Variants in BTNL9 observed in about 807,000 individuals in gnomAD.
BTNL9 encodes butyrophilin-like protein 9.
BTNL9 carries 45 observed loss-of-function variants against 45.8 expected under a neutral mutation model. The ratio of observed to expected loss-of-function variants is 0.98; its 90% CI spans 0.77 to 1.26. The LOEUF is 1.26. Ranked by LOEUF, BTNL9 falls within the 50% of genes most tolerant of loss-of-function variation. The pLI is 0.00. For synonymous variants in BTNL9, 346 were observed against 330.8 expected (o/e 1.05, Z -0.50); for missense variants, 784 against 729.7 (o/e 1.07, Z -0.86).
rs528417989 is a variant in BTNL9 at position 181,048,723 on chromosome 5, A to AG, written c.454+452_454+453insG. Among the ~76,000 whole-genome samples, 36 of 124,602 alleles carry AG rather than the reference A, an allele frequency of 2.9e-4. 1 individual carries two copies. Among genetic ancestry groups the AG allele is most frequent in the African/African-American group, 1.1e-3 (34 of 31,236 alleles). 81.7% of individuals were successfully genotyped at this position (124,602 alleles called of 152,430 possible). ...CAACTCTGTCTTGAAATATATATAT[A>AG]TATCTATATATATATCTATCTATAT... On this transcript the variant is annotated intron_variant, in intron 3 of 10. Transcript: ENST00000327705.
rs1455562533 is a variant in BTNL9, at chr5:181,042,582, A to G, written c.-24+2150A>G. ...GGAGCCGCTGACTTTTCCCTTCAGGAAGCTGCCAGACCATCTCTCTCTGCT... is the reference window on the plus strand; with the variant it reads ...GGAGCCGCTGACTTTTCCCTTCAGGGAGCTGCCAGACCATCTCTCTCTGCT... On this transcript the variant is annotated intron_variant, in intron 1 of 10. Coordinates refer to ENST00000327705, the MANE Select transcript of BTNL9 (RefSeq NM_152547.5). The surrounding 1 kb of genome is among the most constrained non-coding windows in gnomAD (Gnocchi z 4.5). Among the ~76,000 whole-genome samples, 1 of 152,124 alleles carries G rather than the reference A, an allele frequency of 6.6e-6. No homozygotes were observed.
rs1414145474 is a variant in BTNL9, at chr5:181,045,455, G to A, written c.-23-12G>A. 4 of 1,429,408 alleles carry A rather than the reference G, an allele frequency of 2.8e-6. No homozygotes were observed. Among genetic ancestry groups the A allele is most frequent in the Non-Finnish European group, 4.0e-6 (4 of 1,012,220 alleles). The allele number at this position is 1,429,408 out of a possible 1,614,324, so 88.5% of individuals were successfully genotyped here. On this transcript the variant is annotated splice_polypyrimidine_tract_variant and intron_variant, in intron 1 of 10. Coordinates refer to ENST00000327705, the MANE Select transcript of BTNL9 (RefSeq NM_152547.5). ...TTGCACGTCGCTCCAGCACCCCTTT[G>A]TCCCTCTCCAGGTGGCCCCCACTGC...
In BTNL9 at chr5:181,045,520, T is replaced by C. The variant is rs747234210; in HGVS notation, c.31T>C (p.Leu11=). 1.2e-6 allele frequency: 2 copies of C among 1,612,258 alleles called. No individual in the cohort carries two copies. Among genetic ancestry groups the C allele is most frequent in the East Asian group, 4.5e-5 (2 of 44,856 alleles). Residue 11 remains leucine, a synonymous_variant, in exon 2 of 11, where the codon TTG becomes CTG. Coordinates refer to ENST00000327705, the MANE Select transcript of BTNL9 (RefSeq NM_152547.5). ...GGACCTCTCAGTCTCCCCAGACTCCTTGAAGCCAGTATCGCTGACCAGCAG... is the reference window on the plus strand; with the variant it reads ...GGACCTCTCAGTCTCCCCAGACTCCCTGAAGCCAGTATCGCTGACCAGCAG... MVDLSVSPDS[L]KPVSLTSSLV... is the part of the protein sequence containing the mutation.
Position 181,060,051 on chromosome 5 carries a change from G to T in BTNL9, c.*189G>T, listed in dbSNP as rs183884784. 14 of 611,162 alleles carry T rather than the reference G, an allele frequency of 2.3e-5. No homozygotes were observed. The African/African-American group carries it at 2.6e-4, about 11-fold the overall frequency. The allele number at this position is 611,162 out of a possible 1,614,324, so 37.9% of individuals were successfully genotyped here. A position where few individuals can be genotyped will look rare whatever the true frequency, so the allele number is the denominator to read the frequency against. Reference sequence around the variant, plus strand: ...GATTTTCTTCAAGGAAAGGAGACAAGTCCAAAGCTCGTTTGTGGATTGTGG... The same window carrying T: ...GATTTTCTTCAAGGAAAGGAGACAATTCCAAAGCTCGTTTGTGGATTGTGG... On this transcript the variant is annotated 3_prime_UTR_variant, in exon 11 of 11. Transcript: ENST00000327705.
At chr5:181,056,861 A>G in intron 9 of BTNL9, 1 of 478,144 alleles carries the variant, frequency 2.1e-6, no homozygotes. Flanking sequence ...TTAGGTTTGC[A>G]ACCTCTGAAT....
In BTNL9 at chr5:181,048,250, C is replaced by A; in HGVS notation, c.433C>A (p.Leu145Ile). 6.2e-7 allele frequency: 1 copy of A among 1,611,034 alleles called. No homozygotes were observed. The highest frequency in any genetic ancestry group is 1.1e-5 in the South Asian group (1 of 90,998). ...CTCCGACAACTTCTCTGGCGAAGCT[C>A]TCTGGGAACTGGAGGTAGCAGGTGC... Reference protein sequence around the residue: ...FHSDNFSGEALWELEVAGLGS... With the variant: ...FHSDNFSGEAIWELEVAGLGS... The change falls in exon 3 of 11, where the codon CTC becomes ATC. Residue 145 changes from leucine to isoleucine, a missense_variant. Transcript: ENST00000327705.
In BTNL9 at chr5:181,040,936, C is replaced by G. The variant is rs766841335; in HGVS notation, c.-24+504C>G. Reference sequence around the variant, plus strand: ...CAAAATTCACCAGTTACACAGCTTACAGAAGTAGCAAAGCAAAGACTATAC... The same window carrying G: ...CAAAATTCACCAGTTACACAGCTTAGAGAAGTAGCAAAGCAAAGACTATAC... On this transcript the variant is annotated intron_variant, in intron 1 of 10. Coordinates refer to ENST00000327705, the MANE Select transcript of BTNL9 (RefSeq NM_152547.5). Among the ~76,000 whole-genome samples the G allele has an allele frequency of 6.5e-4, 99 of 152,226 alleles. 1 individual carries two copies. The highest frequency in any genetic ancestry group is 1.3e-3 in the Non-Finnish European group (88 of 68,034).
rs1324997941 is a variant in BTNL9 at position 181,044,659 on chromosome 5, CAG to C, written c.-23-804_-23-803del. On this transcript the variant is annotated intron_variant, in intron 1 of 10. Transcript: ENST00000327705. Reference sequence around the variant, plus strand: ...AAATATGGAGAGTTTTGTGTATCTCCAGAGACTCATTGGCAGCAGCACACTCT... The same window carrying C: ...AAATATGGAGAGTTTTGTGTATCTCCAGACTCATTGGCAGCAGCACACTCT... 7.2e-5 allele frequency among the ~76,000 whole-genome samples: 11 copies of C among 151,938 alleles called. 1 individual carries two copies. The highest frequency in any genetic ancestry group is 2.1e-4 in the South Asian group (1 of 4,832).
At chr5:181,058,442 G>A (rs375542771) in intron 10 of BTNL9, 64 bp downstream of exon 10, 670 of 1,609,416 alleles carry the variant, frequency 4.2e-4, no homozygotes, top group Non-Finnish European at 5.3e-4. Context: ...GAAGGGAGGT[G>A]GAGAGATCTG....
In BTNL9 at chr5:181,060,016, T is replaced by C; in HGVS notation, c.*154T>C. 1.5e-6 allele frequency: 1 copy of C among 681,072 alleles called. No homozygotes were observed. The highest frequency in any genetic ancestry group is 2.1e-5 in the South Asian group (1 of 48,222). 42.2% of individuals were successfully genotyped at this position (681,072 alleles called of 1,614,324 possible). A position where few individuals can be genotyped will look rare whatever the true frequency, so the allele number is the denominator to read the frequency against. On this transcript the variant is annotated 3_prime_UTR_variant, in exon 11 of 11. Coordinates refer to ENST00000327705, the MANE Select transcript of BTNL9 (RefSeq NM_152547.5). ...GGACCTTTGCCTACGTAGATGTGTA[T>C]GTGTAGTGCGATTTTCTTCAAGGAA...
chr5:181,057,838 CT>C (rs1433747573), intron 9 of BTNL9, among the ~76,000 whole-genome samples: 4 of 152,212 alleles, frequency 2.6e-5, no homozygotes, highest in Non-Finnish European at 5.9e-5. Flanking sequence ...TCTTGTGTTG[CT>C]TTTGCTTTTG....
At position 181,045,591 on chromosome 5, in the gene BTNL9, GA is replaced by G. The variant is rs1761062428; in HGVS notation, c.103del (p.Ser35AlafsTer7). 2 of 1,610,506 alleles carry G rather than the reference GA, an allele frequency of 1.2e-6. No homozygotes were observed. Among genetic ancestry groups the G allele is most frequent in the African/African-American group, 2.7e-5 (2 of 74,704 alleles). On this transcript the variant is annotated frameshift_variant, in exon 2 of 11. Coordinates refer to ENST00000327705, the MANE Select transcript of BTNL9 (RefSeq NM_152547.5). LOFTEE classifies it high-confidence loss of function. ...HLLLLQPGEPSSEVKVLGPEY... is the reference protein window; with the variant it reads ...HLLLLQPGEPXSEVKVLGPEY... ...TCCTCCTCCTTCAGCCTGGGGAGCC[GA>G]GCTCAGGTATTGTGTCTGCAGCCTA... is the stretch of plus-strand genomic sequence containing the variant.
In BTNL9 at chr5:181,050,520, A is replaced by G; in HGVS notation, c.736+151A>G. On this transcript the variant is annotated intron_variant, in intron 4 of 10. Coordinates refer to ENST00000327705, the MANE Select transcript of BTNL9 (RefSeq NM_152547.5). The surrounding 1 kb of genome is among the most constrained non-coding windows in gnomAD (Gnocchi z 4.9). ...CACCTGAAAAGTCAGCACCTTGGAT[A>G]TTAGGAACACACTAAGAACGCTACT... 1 of 951,276 alleles carries G rather than the reference A, an allele frequency of 1.1e-6. No homozygotes were observed. The highest frequency in any genetic ancestry group is 1.6e-6 in the Non-Finnish European group (1 of 639,988). The allele number at this position is 951,276 out of a possible 1,614,324, so 58.9% of individuals were successfully genotyped here.
chr5:181,050,306 G>A lies in BTNL9; in HGVS notation c.673G>A (p.Val225Met). The A allele has an allele frequency of 6.2e-7, 1 of 1,614,118 alleles. No homozygotes were observed. The highest frequency in any genetic ancestry group is 1.1e-5 in the South Asian group (1 of 91,082). The change falls in exon 4 of 11, where the codon GTG becomes ATG. Residue 225 changes from valine to methionine, a missense_variant. By Grantham distance (21) the Val-to-Met change is conservative. Coordinates refer to ENST00000327705, the MANE Select transcript of BTNL9 (RefSeq NM_152547.5). This position sits in a 1 kb window ranked among gnomAD's most constrained non-coding sequence, Gnocchi z 4.9. ...TGTCCGAGCGGGAGCCCTCAGCAAT[G>A]TGTCCGTCTCCATCCAGAATCTCCT... ...VVVRAGALSN[V>M]SVSIQNLLLS...
In BTNL9 at chr5:181,055,498, A is replaced by G; in HGVS notation, c.928+45A>G. On this transcript the variant is annotated intron_variant, in intron 8 of 10. Transcript: ENST00000327705. The surrounding 1 kb of genome is among the most constrained non-coding windows in gnomAD (Gnocchi z 4.4). Reference sequence around the variant, plus strand: ...ACTATTTCTCCTCAGGGCCGGGTCCAGTGGCTCACACCTGTAATCCCAGTA... The same window carrying G: ...ACTATTTCTCCTCAGGGCCGGGTCCGGTGGCTCACACCTGTAATCCCAGTA... The G allele has an allele frequency of 6.2e-7, 1 of 1,608,450 alleles. No homozygotes were observed. The highest frequency in any genetic ancestry group is 8.5e-7 in the Non-Finnish European group (1 of 1,175,154).
At chr5:181,058,247 C>T in intron 9 of BTNL9, 105 bp from the exon 10 acceptor site, 2 of 1,294,386 alleles carry the variant, frequency 1.5e-6, no homozygotes, top group Non-Finnish European at 2.2e-6. Context: ...GGAATGGGGT[C>T]ATTCGATCTG....
Position 181,050,190 on chromosome 5 carries a change from G to A in BTNL9, c.557G>A (p.Trp186Ter). 1.9e-6 allele frequency: 3 copies of A among 1,614,084 alleles called. No individual in the cohort carries two copies. Among genetic ancestry groups the A allele is most frequent in the Non-Finnish European group, 2.5e-6 (3 of 1,180,020 alleles). The change falls in exon 4 of 11, where the codon TGG (tryptophan) becomes TAG (stop). Residue 186 changes from tryptophan to a stop codon, truncating the protein, a stop_gained. Coordinates refer to ENST00000327705, the MANE Select transcript of BTNL9 (RefSeq NM_152547.5). LOFTEE classifies it high-confidence loss of function. This position sits in a 1 kb window ranked among gnomAD's most constrained non-coding sequence, Gnocchi z 4.9. The part of the protein sequence containing the change: ...SGWYPKPKVQ[W>*]RDHQGQCLPP... ...TGGTACCCCAAGCCTAAGGTTCAGT[G>A]GAGAGACCACCAGGGACAGTGCCTG...
intron 7 of BTNL9, chr5:181,054,632 C>T (rs2113236080): frequency 1.0e-6 from 1 of 985,444 alleles, no homozygotes; most frequent in Non-Finnish European, 1.2e-6. Flanking sequence ...CTCAGATCCA[C>T]TTTTCTCCCC....
rs1486072196 is a variant in BTNL9, at chr5:181,048,175, C to T, written c.358C>T (p.Leu120Phe). ...DIAYGSVVLQ[L>F]HSIIPSDKGT... ...CGCCTATGGCAGCGTGGTCCTGCAG[C>T]TTCACAGCATCATCCCCTCTGACAA... Residue 120 changes from leucine to phenylalanine, a missense_variant, in exon 3 of 11, where the codon CTT becomes TTT. Physicochemically the swap from Leu to Phe is conservative, Grantham distance 22. Coordinates refer to ENST00000327705, the MANE Select transcript of BTNL9 (RefSeq NM_152547.5). 1.9e-6 allele frequency: 3 copies of T among 1,613,398 alleles called. No individual in the cohort carries two copies. The highest frequency in any genetic ancestry group is 2.5e-6 in the Non-Finnish European group (3 of 1,180,036).
Sources: allele counts gnomAD v4.1 joint callset (sites outside exome capture counted in the v4.1 genomes callset), GRCh38; gene constraint gnomAD v4.1.1; non-coding constraint Gnocchi (gnomAD v3.1); transcripts MANE v1.5; gene names NCBI Gene and HGNC (gene_info 2026-07-23, HGNC 2026-07-21).